The following ATP8B4 variants were observed in gnomAD, a reference collection of about 807,000 sequenced individuals.
The protein encoded by ATP8B4 is probable phospholipid-transporting ATPase IM.
A neutral mutation model predicts 145.6 loss-of-function variants in ATP8B4; 133 were observed. The observed-to-expected ratio is 0.91, with a 90% CI of 0.79 to 1.05. The LOEUF is 1.05. Ranked by LOEUF, ATP8B4 falls within the 50% of genes least tolerant of loss-of-function variation. The pLI is 0.00. For synonymous variants in ATP8B4, 507 were observed against 492.9 expected (o/e 1.03, Z -0.38); for missense variants, 1,458 against 1,425.2 (o/e 1.02, Z -0.37).
At chr15:49,878,244 C>T (rs16963010) in intron 24 of ATP8B4, among the ~76,000 whole-genome samples, 25,108 of 152,152 alleles carry the variant, frequency 0.17, 2,409 homozygotes, top group East Asian at 0.47. Flanking sequence ...TAAACATGGG[C>T]GCTGAGAAAT....
chr15:49,902,333 T>C (rs1224982100), intron 20 of ATP8B4: 2 of 152,238 alleles, frequency 1.3e-5, no homozygotes, highest in Non-Finnish European at 2.9e-5. Flanking sequence ...ATGCTGAGGC[T>C]CCTCTGAAAG....
chr15:50,056,681 ATATATG>A (rs1472181144), intron 3 of ATP8B4, among the ~76,000 whole-genome samples: 2 of 148,494 alleles, frequency 1.3e-5, no homozygotes, highest in South Asian at 2.1e-4. Context: ...ACTATACACA[ATATATG>A]TATATGTATA....
chr15:49,859,425 AG>A lies in ATP8B4; in HGVS notation c.*768del, dbSNP rs1391440568. 152 of 152,338 alleles carry A rather than the reference AG, an allele frequency of 1.0e-3. No individual in the cohort carries two copies. The highest frequency in any genetic ancestry group is 3.4e-3 in the Middle Eastern group (1 of 294). 9.4% of individuals were successfully genotyped at this position (152,338 alleles called of 1,614,324 possible). ...TCAGCAAATTACTACTGAGGTTGTT[AG>A]AAAAGCCATTGAAAAGTATTTAGAA... On this transcript the variant is annotated 3_prime_UTR_variant, in exon 28 of 28. Transcript: ENST00000284509.
chr15:49,903,438 G>A (rs948209109), intron 20 of ATP8B4, among the ~76,000 whole-genome samples: 4 of 152,204 alleles, frequency 2.6e-5, no homozygotes, highest in Middle Eastern at 3.2e-3. Flanking sequence ...ATTAACAGTT[G>A]AGGCAACTGT....
chr15:49,974,397 C>CT (rs35144345), intron 12 of ATP8B4, among the ~76,000 whole-genome samples: 74,403 of 142,854 alleles, frequency 0.52, 21,105 homozygotes, highest in African/African-American at 0.76. Context: ...GCCACTTGTC[C>CT]TTTTTTTTTT....
chr15:50,040,366 G>A (rs1012687033), intron 5 of ATP8B4, among the ~76,000 whole-genome samples: 22 of 152,164 alleles, frequency 1.4e-4, no homozygotes, highest in African/African-American at 3.9e-4. Context: ...AGGTCTAGTA[G>A]TATTGCCAAC....
At chr15:50,017,496 A>AAC (rs1220025224) in intron 6 of ATP8B4, among the ~76,000 whole-genome samples, 1 of 152,202 alleles carries the variant, frequency 6.6e-6, no homozygotes, top group African/African-American at 2.4e-5. Flanking sequence ...TTTTGAAAAA[A>AAC]ACAAATACCC....
intron 1 of ATP8B4, among the ~76,000 whole-genome samples, chr15:50,162,556 G>C (rs987288941): frequency 2.0e-5 from 3 of 151,948 alleles, no homozygotes; most frequent in Non-Finnish European, 4.4e-5. Flanking sequence ...GCCCAGGCTG[G>C]AGTGCAGTGG....
chr15:50,007,452 C>T (rs995273586), intron 7 of ATP8B4, among the ~76,000 whole-genome samples: 3 of 152,180 alleles, frequency 2.0e-5, no homozygotes, highest in Non-Finnish European at 1.5e-5. Context: ...GTCCCATTGG[C>T]GAGCTGTTTG....
chr15:50,025,971 A>G (rs2049978150), intron 6 of ATP8B4, among the ~76,000 whole-genome samples: 1 of 152,232 alleles, frequency 6.6e-6, no homozygotes, highest in African/African-American at 2.4e-5. Context: ...TAGTAGCCTC[A>G]TGCTTTGAAT....
intron 1 of ATP8B4, among the ~76,000 whole-genome samples, chr15:50,115,450 A>G (rs1189391901): frequency 1.3e-5 from 2 of 152,160 alleles, no homozygotes; most frequent in African/African-American, 4.8e-5. Flanking sequence ...CCTGCTTTGC[A>G]GAGTCAGCGA....
chr15:49,859,916 T>G lies in ATP8B4; in HGVS notation c.*278A>C. ...AATAAGATTCTAAAGTTCAGGTCAA[T>G]TGGTATCTAGGTTGATTTAAAAAAA... is the stretch of plus-strand genomic sequence containing the variant. On this transcript the variant is annotated 3_prime_UTR_variant, in exon 28 of 28. Coordinates refer to ENST00000284509, the MANE Select transcript of ATP8B4 (RefSeq NM_024837.4). The G allele has an allele frequency of 2.7e-6, 1 of 369,782 alleles. No homozygotes were observed. The allele number at this position is 369,782 out of a possible 1,614,324, so 22.9% of individuals were successfully genotyped here.
At chr15:50,090,745 T>G (rs1451535886) in intron 2 of ATP8B4, among the ~76,000 whole-genome samples, 1 of 152,162 alleles carries the variant, frequency 6.6e-6, no homozygotes, top group Admixed American at 6.6e-5. Flanking sequence ...CTAGCCAAAA[T>G]TATTGAAATG....
chr15:50,140,352 A>T (rs1458206285), intron 1 of ATP8B4, among the ~76,000 whole-genome samples: 1 of 152,160 alleles, frequency 6.6e-6, no homozygotes, highest in Non-Finnish European at 1.5e-5. Context: ...CTCTTCCGAG[A>T]CTGGCCTTGG....
At chr15:49,869,270 A>C (rs1010378337) in intron 25 of ATP8B4, among the ~76,000 whole-genome samples, 1 of 152,212 alleles carries the variant, frequency 6.6e-6, no homozygotes, top group East Asian at 1.9e-4. Flanking sequence ...AGTTAAAAAA[A>C]AAATTGAAAA....
intron 1 of ATP8B4, among the ~76,000 whole-genome samples, chr15:50,173,950 C>A: frequency 6.6e-6 from 1 of 152,174 alleles, no homozygotes; most frequent in Non-Finnish European, 1.5e-5. Context: ...CCACCATGAT[C>A]AAGTGGGTTT....
At chr15:50,121,165 A>T (rs1223197120), upstream of ATP8B4, among the ~76,000 whole-genome samples, 1 of 152,214 alleles carries the variant, frequency 6.6e-6, no homozygotes, top group Non-Finnish European at 1.5e-5. Context: ...CACTAAAATA[A>T]AAGCTCCTTG....
At position 50,044,633 on chromosome 15, in the gene ATP8B4, C is replaced by G; in HGVS notation, c.261G>C (p.Val87=). 1 of 1,613,168 alleles carries G rather than the reference C, an allele frequency of 6.2e-7. No homozygotes were observed. Among genetic ancestry groups the G allele is most frequent in the Non-Finnish European group, 8.5e-7 (1 of 1,179,496 alleles). Residue 87 remains valine (V), a synonymous_variant, in exon 5 of 28, where the codon GTG becomes GTC. Transcript: ENST00000284509. ...WFTTIVPLVL[V]ITMTAVKDAT... is the part of the protein sequence containing the mutation. Reference sequence around the variant, plus strand: ...CATCTTTGACAGCTGTCATAGTTATCACCAGGACCAAAGGCACAATGGTGG... The same window carrying G: ...CATCTTTGACAGCTGTCATAGTTATGACCAGGACCAAAGGCACAATGGTGG...
chr15:50,175,469 C>A (rs748873736), intron 1 of ATP8B4, among the ~76,000 whole-genome samples: 2 of 151,982 alleles, frequency 1.3e-5, no homozygotes, highest in Admixed American at 1.3e-4. Context: ...CAGTAAGAAA[C>A]GAAGAAACTA....
Sources: gnomAD v4.1 joint callset for allele counts (sites outside exome capture counted in the v4.1 genomes callset) on GRCh38, gnomAD v4.1.1 for gene constraint, MANE v1.5 for transcripts, NCBI Gene and HGNC (gene_info 2026-07-23, HGNC 2026-07-21) for gene names.